STIM1: variants seen among roughly 807,000 people sequenced by gnomAD.
STIM1 encodes the protein stromal interaction molecule 1.
STIM1 carries 25 observed loss-of-function variants against 74.7 expected under a neutral mutation model. The observed-to-expected ratio is 0.33, with a 90% CI of 0.24 to 0.47. STIM1 has a LOEUF of 0.47. STIM1 is among the 20% of genes least tolerant of loss of function. The probability of loss-of-function intolerance (pLI) is 1.00; values close to 1 mark genes in which losing one functional copy is unlikely to be tolerated. For synonymous variants in STIM1, 328 were observed against 348.8 expected (o/e 0.94, Z 0.66); for missense variants, 728 against 920.8 (o/e 0.79, Z 2.71).
At chr11:3,995,197 C>T (rs2135873761) in intron 2 of STIM1, among the ~76,000 whole-genome samples, 1 of 151,592 alleles carries the variant, frequency 6.6e-6, no homozygotes, top group South Asian at 2.1e-4. Context: ...TACTTTTTTT[C>T]TGGTATATGG....
intron 2 of STIM1, chr11:3,973,914 C>T (rs1036493619): frequency 2.0e-6 from 1 of 491,480 alleles, no homozygotes; most frequent in Non-Finnish European, 3.7e-6. Flanking sequence ...TAAAATGTAT[C>T]TTTTTTAAAG....
chr11:3,989,961 C>A (rs2093594473), intron 2 of STIM1, among the ~76,000 whole-genome samples: 1 of 152,192 alleles, frequency 6.6e-6, no homozygotes, highest in South Asian at 2.1e-4. Context: ...TTAGTATATT[C>A]ACAGATATGT....
intron 1 of STIM1, among the ~76,000 whole-genome samples, chr11:3,891,071 T>C (rs1228354302): frequency 6.6e-6 from 1 of 152,202 alleles, no homozygotes; most frequent in East Asian, 1.9e-4. Flanking sequence ...TGATAAGAAA[T>C]GTATGTTGAA....
chr11:3,976,550 T>C (rs971237914), intron 2 of STIM1, among the ~76,000 whole-genome samples: 1 of 152,212 alleles, frequency 6.6e-6, no homozygotes, highest in Non-Finnish European at 1.5e-5. Flanking sequence ...CATATGTTAA[T>C]TTTTTTAAAG....
intron 1 of STIM1, among the ~76,000 whole-genome samples, chr11:3,938,531 C>A (rs2092964367): frequency 6.6e-6 from 1 of 152,038 alleles, no homozygotes; most frequent in Admixed American, 6.6e-5. Context: ...AAGGGACTGA[C>A]AGGAGGGACT....
intron 4 of STIM1, among the ~76,000 whole-genome samples, chr11:4,057,186 T>C (rs1590679767): frequency 6.6e-6 from 1 of 152,192 alleles, no homozygotes. Flanking sequence ...CCCATAGAAA[T>C]AGCAATATTG....
At chr11:3,915,943 C>A (rs751286137) in intron 1 of STIM1, among the ~76,000 whole-genome samples, 36 of 152,052 alleles carry the variant, frequency 2.4e-4, no homozygotes, top group Non-Finnish European at 4.7e-4. Flanking sequence ...CCTGTAATCC[C>A]AGCTACTTGG....
chr11:3,950,001 A>G (rs944288875), intron 1 of STIM1, among the ~76,000 whole-genome samples: 1 of 152,062 alleles, frequency 6.6e-6, no homozygotes, highest in South Asian at 2.1e-4. Context: ...CTAGAATTTT[A>G]TCCTTTCAAA....
chr11:4,005,264 C>G (rs1345289478), intron 2 of STIM1, among the ~76,000 whole-genome samples: 2 of 152,152 alleles, frequency 1.3e-5, no homozygotes, highest in Non-Finnish European at 2.9e-5. Context: ...AATCATGCTG[C>G]TATAAAGACA....
At chr11:3,941,673 T>TATATATATAG (rs141623520) in intron 1 of STIM1, among the ~76,000 whole-genome samples, 143 of 90,722 alleles carry the variant, frequency 1.6e-3, no homozygotes, top group Non-Finnish European at 2.8e-3. Context: ...TATATATATA[T>TATATATATAG]AGAGAGAGAG....
chr11:3,931,038 G>C (rs2092853587), intron 1 of STIM1, among the ~76,000 whole-genome samples: 1 of 152,166 alleles, frequency 6.6e-6, no homozygotes, highest in South Asian at 2.1e-4. Flanking sequence ...AGGCAAAAAT[G>C]AACAAAATAA....
intron 3 of STIM1, among the ~76,000 whole-genome samples, chr11:4,049,124 G>T (rs192944183): frequency 1.1e-4 from 16 of 152,324 alleles, no homozygotes; most frequent in African/African-American, 2.6e-4. Flanking sequence ...AGTGCTCCAC[G>T]TATGGTGATG....
At chr11:3,874,105 A>G (rs528225328) in intron 1 of STIM1, among the ~76,000 whole-genome samples, 11 of 152,210 alleles carry the variant, frequency 7.2e-5, no homozygotes, top group Non-Finnish European at 1.3e-4. Context: ...CTAATCTACT[A>G]AATCTACAGT....
intron 1 of STIM1, among the ~76,000 whole-genome samples, chr11:3,936,780 A>G (rs1590581597): frequency 6.6e-6 from 1 of 152,292 alleles, no homozygotes; most frequent in African/African-American, 2.4e-5. Flanking sequence ...AGGAGCCAAG[A>G]CTGGATGCCC....
At chr11:3,866,001 A>G (rs918288617) in intron 1 of STIM1, among the ~76,000 whole-genome samples, 20 of 152,120 alleles carry the variant, frequency 1.3e-4, no homozygotes, top group African/African-American at 4.8e-4. Context: ...CAGCACTTAA[A>G]CTTTTGTTTT....
At chr11:3,998,822 C>T (rs2093685415) in intron 2 of STIM1, among the ~76,000 whole-genome samples, 1 of 152,010 alleles carries the variant, frequency 6.6e-6, no homozygotes, top group Non-Finnish European at 1.5e-5. Flanking sequence ...AATGGAGCAC[C>T]TTGTGCAAAA....
intron 2 of STIM1, among the ~76,000 whole-genome samples, chr11:3,998,535 G>A (rs727152): frequency 0.77 from 116,592 of 152,042 alleles, 45,824 homozygotes; most frequent in South Asian, 0.9. Context: ...GCTCTGTGCC[G>A]GGCCCTCGGC....
chr11:4,005,900 A>G (rs2093775243), intron 2 of STIM1, among the ~76,000 whole-genome samples: 1 of 152,184 alleles, frequency 6.6e-6, no homozygotes, highest in Admixed American at 6.5e-5. Flanking sequence ...CATGTCCTAG[A>G]ACTCTGTAAA....
chr11:3,949,862 T>C (rs2093124133), intron 1 of STIM1, among the ~76,000 whole-genome samples: 1 of 152,176 alleles, frequency 6.6e-6, no homozygotes, highest in East Asian at 1.9e-4. Context: ...TTTCCCAGTT[T>C]TACTTGTACT....
Sources: gnomAD v4.1 joint callset for allele counts (sites outside exome capture counted in the v4.1 genomes callset) on GRCh38, gnomAD v4.1.1 for gene constraint, MANE v1.5 for transcripts, NCBI Gene and HGNC (gene_info 2026-07-23, HGNC 2026-07-21) for gene names.